Variants in GGA1 observed in about 807,000 individuals in gnomAD.
The protein encoded by GGA1 is golgi associated, gamma adaptin ear containing, ARF binding protein 1, also known as ADP-ribosylation factor-binding protein GGA1.
GGA1 carries 18 observed loss-of-function variants against 76.9 expected under a neutral mutation model. The observed-to-expected ratio is 0.23, with a 90% confidence interval of 0.16 to 0.35. The LOEUF is 0.35. Among genes scored for constraint, GGA1 ranks in the 10% least tolerant of loss-of-function variants. The probability of loss-of-function intolerance (pLI) is 1.00; values close to 1 mark genes in which losing one functional copy is unlikely to be tolerated. For missense variants in GGA1, 755 were observed against 859.0 expected (o/e 0.88, Z 1.51); for synonymous variants, 342 against 354.7 (o/e 0.96, Z 0.40).
At position 37,625,761 on chromosome 22, in the gene GGA1, A is replaced by G; in HGVS notation, c.941-36A>G. On this transcript the variant is annotated intron_variant, in intron 10 of 16. Coordinates refer to ENST00000343632, the MANE Select transcript of GGA1 (RefSeq NM_013365.5). The surrounding 1 kb of genome is among the most constrained non-coding windows in gnomAD (Gnocchi z 4.1). ...TGTGGACTCTGAGAGACACGTGTACACCCAGGACTTGCCAGCCTCTTCTTT... is the reference window on the plus strand; with the variant it reads ...TGTGGACTCTGAGAGACACGTGTACGCCCAGGACTTGCCAGCCTCTTCTTT... 1 of 1,515,548 alleles carries G rather than the reference A, an allele frequency of 6.6e-7. No individual in the cohort carries two copies. The highest frequency in any genetic ancestry group is 8.9e-7 in the Non-Finnish European group (1 of 1,121,322). 93.9% of individuals were successfully genotyped at this position (1,515,548 alleles called of 1,614,324 possible). A position where few individuals can be genotyped will look rare whatever the true frequency, so the allele number is the denominator to read the frequency against.
chr22:37,617,978 A>AGGCGTGGTGGGCGG, intron 3 of GGA1: 1 of 153,278 alleles, frequency 6.5e-6, no homozygotes, highest in Non-Finnish European at 1.4e-5. Context: ...AAAATTAGCG[A>AGGCGTGGTGGGCGG]GGCGTGGTGG....
At chr22:37,618,247 T>G (rs550260849) in intron 3 of GGA1, 61 of 561,372 alleles carry the variant, frequency 1.1e-4, no homozygotes, top group Non-Finnish European at 1.2e-4. Flanking sequence ...GCACTGTATG[T>G]AGGTCGCCTG....
At position 37,620,309 on chromosome 22, in the gene GGA1, C is replaced by T; in HGVS notation, c.375C>T (p.Gly125=). 1 of 1,613,860 alleles carries T rather than the reference C, an allele frequency of 6.2e-7. No individual in the cohort carries two copies. Among genetic ancestry groups the T allele is most frequent in the African/African-American group, 1.3e-5 (1 of 74,976 alleles). The part of the protein sequence containing the change: ...ILELLYSWTV[G]LPEEVKIAEA... ...AGCTCCTCTACAGCTGGACAGTGGGCCTGCCCGAGGAGGTGAAAATCGCAG... is the reference window on the plus strand; with the variant it reads ...AGCTCCTCTACAGCTGGACAGTGGGTCTGCCCGAGGAGGTGAAAATCGCAG... The change falls in exon 5 of 17, where the codon GGC becomes GGT. Residue 125 remains glycine (G), a synonymous_variant. Coordinates refer to ENST00000343632, the MANE Select transcript of GGA1 (RefSeq NM_013365.5).
chr22:37,609,723 C>G (rs1369029716), intron 1 of GGA1, among the ~76,000 whole-genome samples: 1 of 152,202 alleles, frequency 6.6e-6, no homozygotes, highest in African/African-American at 2.4e-5. Context: ...TCTCACAGCC[C>G]CGCTCCTGGA....
chr22:37,620,733 T>G, intron 5 of GGA1, 80 bp from the exon 6 acceptor site: 1 of 877,958 alleles, frequency 1.1e-6, no homozygotes, highest in South Asian at 1.3e-5. Flanking sequence ...GTCCTACCCT[T>G]GCCTGCCCCC....
chr22:37,620,119 C>G lies in GGA1; in HGVS notation c.304-119C>G, dbSNP rs749135979. On this transcript the variant is annotated intron_variant, in intron 4 of 16. Transcript: ENST00000343632. ...GCTGGTTGGGCGGGGCTATGAGGAC[C>G]CTGTAGGCTAGAGGGCTTCCCGGGG... 2.1e-5 allele frequency: 23 copies of G among 1,115,874 alleles called. No homozygotes were observed. The South Asian group carries it at 2.8e-4, about 14-fold the overall frequency. The allele number at this position is 1,115,874 out of a possible 1,614,324, so 69.1% of individuals were successfully genotyped here.
rs6000843 is a variant in GGA1, at chr22:37,611,236, G to A, written c.43+2333G>A. On this transcript the variant is annotated intron_variant, in intron 1 of 16. Coordinates refer to ENST00000343632, the MANE Select transcript of GGA1 (RefSeq NM_013365.5). ...GGCTTCATTTTTCTGAGGGACTAGAGGGTCTTGTGGAGCTCCTGGGACAGA... is the reference window on the plus strand; with the variant it reads ...GGCTTCATTTTTCTGAGGGACTAGAAGGTCTTGTGGAGCTCCTGGGACAGA... 4.2e-4 allele frequency among the ~76,000 whole-genome samples: 64 copies of A among 152,200 alleles called. 1 individual carries two copies. Among genetic ancestry groups the A allele is most frequent in the African/African-American group, 1.4e-3 (59 of 41,540 alleles).
intron 14 of GGA1, 124 bp downstream of exon 14, chr22:37,631,223 G>A: frequency 4.1e-6 from 3 of 727,892 alleles, no homozygotes; most frequent in Non-Finnish European, 4.3e-6. Context: ...CAACCAGAGG[G>A]GAGCTCTGAA....
chr22:37,629,087 A>G (rs1383199130), intron 11 of GGA1, among the ~76,000 whole-genome samples: 1 of 152,244 alleles, frequency 6.6e-6, no homozygotes. Flanking sequence ...TGGCAGGCAC[A>G]GAGCTGCTCT....
At chr22:37,627,291 T>C (rs907498555) in intron 11 of GGA1, 1 of 152,180 alleles carries the variant, frequency 6.6e-6, no homozygotes, top group African/African-American at 2.4e-5. Context: ...TCGTTGTTCA[T>C]AAGCAAGGAA....
intron 2 of GGA1, among the ~76,000 whole-genome samples, 166 bp downstream of exon 2, chr22:37,614,440 G>C (rs1928365863): frequency 1.3e-5 from 2 of 152,172 alleles, no homozygotes; most frequent in African/African-American, 4.8e-5. Context: ...TCACTCTCTG[G>C]GGTGGGCCTT....
chr22:37,632,649 A>T lies in GGA1; in HGVS notation c.1858A>T (p.Thr620Ser). Residue 620 changes from threonine (T) to serine (S), a missense_variant, in exon 17 of 17, where the codon ACC becomes TCC. Coordinates refer to ENST00000343632, the MANE Select transcript of GGA1 (RefSeq NM_013365.5). This position sits in a 1 kb window ranked among gnomAD's most constrained non-coding sequence, Gnocchi z 5.1. ...YKLTFTMGDQ[T>S]YNEMGDVDQF... Reference sequence around the variant, plus strand: ...GCTCACCTTCACCATGGGTGACCAGACCTACAACGAGATGGGGGATGTGGA... The same window carrying T: ...GCTCACCTTCACCATGGGTGACCAGTCCTACAACGAGATGGGGGATGTGGA... The T allele has an allele frequency of 1.2e-6, 2 of 1,613,474 alleles. No homozygotes were observed. Among genetic ancestry groups the T allele is most frequent in the Non-Finnish European group, 1.7e-6 (2 of 1,179,596 alleles).
chr22:37,619,135 T>C (rs1473665659), intron 4 of GGA1, among the ~76,000 whole-genome samples: 2 of 151,830 alleles, frequency 1.3e-5, no homozygotes, highest in South Asian at 2.1e-4. Flanking sequence ...GCATGATCTC[T>C]ACGCTCCACA....
At chr22:37,609,384 C>T (rs987686910) in intron 1 of GGA1, 5 of 1,045,504 alleles carry the variant, frequency 4.8e-6, no homozygotes, top group Admixed American at 6.0e-5. Flanking sequence ...CTCATTACCC[C>T]GTCCTGGAAG....
In GGA1 at chr22:37,632,685, C is replaced by T. The variant is rs540636311; in HGVS notation, c.1894C>T (p.Pro632Ser). 3 of 1,606,730 alleles carry T rather than the reference C, an allele frequency of 1.9e-6. No individual in the cohort carries two copies. The Admixed American group carries it at 5.0e-5, about 27-fold the overall frequency. Residue 632 changes from proline to serine, a missense_variant, in exon 17 of 17, where the codon CCA (proline) becomes TCA (serine). Pro to Ser is a moderately conservative substitution (Grantham distance 74). Coordinates refer to ENST00000343632, the MANE Select transcript of GGA1 (RefSeq NM_013365.5). This position sits in a 1 kb window ranked among gnomAD's most constrained non-coding sequence, Gnocchi z 5.1. ...GATGGGGGATGTGGACCAGTTCCCCCCACCTGAAACCTGGGGTAGCCTCTA... is the reference window on the plus strand; with the variant it reads ...GATGGGGGATGTGGACCAGTTCCCCTCACCTGAAACCTGGGGTAGCCTCTA... ...NEMGDVDQFP[P>S]PETWGSL
rs546062780 is a variant in GGA1, at chr22:37,630,883, T to G, written c.1332-20T>G. 46 of 1,584,190 alleles carry G rather than the reference T, an allele frequency of 2.9e-5. No individual in the cohort carries two copies. The East Asian group carries it at 1.0e-3, about 35-fold the overall frequency. On this transcript the variant is annotated intron_variant, in intron 13 of 16. Transcript: ENST00000343632. ...ACGCTGGCCAAGAATCACTTCTTAA[T>G]GCACTGTCCCCCGATTAAGGGAGAA... is the stretch of plus-strand genomic sequence containing the variant.
intron 4 of GGA1, among the ~76,000 whole-genome samples, chr22:37,619,611 C>T (rs1929504706): frequency 6.6e-6 from 1 of 152,214 alleles, no homozygotes. Context: ...CTCCTGACCT[C>T]ATGATCCACC....
At chr22:37,613,078 G>A in intron 1 of GGA1, 1 of 985,334 alleles carries the variant, frequency 1.0e-6, no homozygotes, top group Non-Finnish European at 1.2e-6. Context: ...CAGGCTGGGG[G>A]ACACAAAAGA....
intron 13 of GGA1, among the ~76,000 whole-genome samples, chr22:37,630,505 G>A (rs1931610937): frequency 6.6e-6 from 1 of 152,160 alleles, no homozygotes; most frequent in African/African-American, 2.4e-5. Context: ...AAGACCCAAG[G>A]CCAGAGAGAT....
Sources: allele counts gnomAD v4.1 joint callset (sites outside exome capture counted in the v4.1 genomes callset), GRCh38; gene constraint gnomAD v4.1.1; non-coding constraint Gnocchi (gnomAD v3.1); transcripts MANE v1.5; gene names NCBI Gene and HGNC (gene_info 2026-07-23, HGNC 2026-07-21).